KIAA1614: variants seen among roughly 807,000 people sequenced by gnomAD.
KIAA1614 encodes the protein uncharacterized protein KIAA1614.
KIAA1614 carries 76 observed loss-of-function variants against 88.7 expected under a neutral mutation model. That is an observed-to-expected ratio of 0.86 (90% CI 0.71 to 1.04). KIAA1614 has a LOEUF of 1.04. Ranked by LOEUF, KIAA1614 falls within the 50% of genes least tolerant of loss-of-function variation. The pLI is 0.00. For missense variants in KIAA1614, 1,553 were observed against 1,582.5 expected, an observed-to-expected ratio of 0.98 and a Z score of 0.32; for synonymous variants, 714 against 675.5, an observed-to-expected ratio of 1.06 and a Z score of -0.88.
Position 180,938,606 on chromosome 1 carries a change from CG to C in KIAA1614, c.2816del (p.Gly939AlafsTer62), listed in dbSNP as rs2102272738. ...GCAGATGTTGCCACCATCAACTCCA[CG>C]GGCATCACCCTCTCCCTGTCCTCAG... is the stretch of plus-strand genomic sequence containing the variant. ...GSADVATINSTGITLSLSSEE... is the reference protein window; with the variant it reads ...GSADVATINSXGITLSLSSEE... On this transcript the variant is annotated frameshift_variant, in exon 6 of 9. Transcript: ENST00000367588. LOFTEE classifies it high-confidence loss of function. 1.2e-6 allele frequency: 2 copies of C among 1,614,096 alleles called. No homozygotes were observed. Among genetic ancestry groups the C allele is most frequent in the East Asian group, 4.5e-5 (2 of 44,880 alleles).
rs1327198383 is a variant in KIAA1614, at chr1:180,949,757, T to C, written c.*4169T>C. ...TTGCTCAGATGCTTCCCCATCCCAA[T>C]TGAGGAGCCATATCTGAGTAAGACT... is the stretch of plus-strand genomic sequence containing the variant. On this transcript the variant is annotated 3_prime_UTR_variant, in exon 9 of 9. Coordinates refer to ENST00000367588, the MANE Select transcript of KIAA1614 (RefSeq NM_020950.2). 6.6e-6 allele frequency: 1 copy of C among 152,170 alleles called. No homozygotes were observed. The highest frequency in any genetic ancestry group is 2.4e-5 in the African/African-American group (1 of 41,440). The allele number at this position is 152,170 out of a possible 1,614,324, so 9.4% of individuals were successfully genotyped here.
At chr1:180,936,815 G>C in intron 5 of KIAA1614, 145 bp downstream of exon 5, 2 of 594,550 alleles carry the variant, frequency 3.4e-6, no homozygotes, top group Non-Finnish European at 5.6e-6. Flanking sequence ...TACCACCTCG[G>C]CAGCTCCTTG....
rs938163834 is a variant in KIAA1614, at chr1:180,948,309, G to C, written c.*2721G>C. 1 of 151,798 alleles carries C rather than the reference G, an allele frequency of 6.6e-6. No homozygotes were observed. Among genetic ancestry groups the C allele is most frequent in the Non-Finnish European group, 1.5e-5 (1 of 67,884 alleles). The allele number at this position is 151,798 out of a possible 1,614,324, so 9.4% of individuals were successfully genotyped here. On this transcript the variant is annotated 3_prime_UTR_variant, in exon 9 of 9. Coordinates refer to ENST00000367588, the MANE Select transcript of KIAA1614 (RefSeq NM_020950.2). ...CCCGCACTGAACCGGCAGGATGCTG[G>C]TATTAACTTGCTGGCTTTCACATCC...
At position 180,913,297 on chromosome 1, in the gene KIAA1614, A is replaced by G; in HGVS notation, c.50+4A>G. 4.0e-6 allele frequency: 5 copies of G among 1,247,054 alleles called. No individual in the cohort carries two copies. Among genetic ancestry groups the G allele is most frequent in the Non-Finnish European group, 5.1e-6 (5 of 988,566 alleles). The allele number at this position is 1,247,054 out of a possible 1,614,324, so 77.2% of individuals were successfully genotyped here. On this transcript the variant is annotated splice_donor_region_variant and intron_variant, in intron 1 of 8. Coordinates refer to ENST00000367588, the MANE Select transcript of KIAA1614 (RefSeq NM_020950.2). Reference sequence around the variant, plus strand: ...AACCCGCGGGCGGCAGCCCCCAGTGAGTATAGAGGAGGCAGCGCCGGGCCG... The same window carrying G: ...AACCCGCGGGCGGCAGCCCCCAGTGGGTATAGAGGAGGCAGCGCCGGGCCG...
intron 4 of KIAA1614, among the ~76,000 whole-genome samples, chr1:180,934,695 A>G (rs747547651): frequency 6.6e-6 from 1 of 152,210 alleles, no homozygotes; most frequent in East Asian, 1.9e-4. Flanking sequence ...CAGCAAATAC[A>G]TATTTCCACA....
At position 180,941,209 on chromosome 1, in the gene KIAA1614, G is replaced by A. The variant is rs1654454842; in HGVS notation, c.3083G>A (p.Ser1028Asn). ...AAGCTGGGCAAGTCCCGCAGCTACA[G>A]TGTGGAGCAGTTGCAGCCCGCCCCG... Reference protein sequence around the residue: ...RPKLGKSRSYSVEQLQPAPPG... With the variant: ...RPKLGKSRSYNVEQLQPAPPG... Residue 1028 changes from serine (S) to asparagine (N), a missense_variant, in exon 7 of 9, where the codon AGT becomes AAT. Transcript: ENST00000367588. 6.2e-7 allele frequency: 1 copy of A among 1,613,784 alleles called. No individual in the cohort carries two copies. The highest frequency in any genetic ancestry group is 1.3e-5 in the African/African-American group (1 of 74,944).
chr1:180,935,662 G>C lies in KIAA1614; in HGVS notation c.1753G>C (p.Ala585Pro). The C allele has an allele frequency of 6.2e-7, 1 of 1,613,134 alleles. No homozygotes were observed. The stretch of plus-strand genomic sequence containing the variant: ...GAGCTCCCCACTCCGGCTCCTTCCT[G>C]CAGAGCCCCGGCTCCACATGGAATG... ...GLSSPLRLLP[A>P]EPRLHMEWIR... Residue 585 changes from alanine (A) to proline (P), a missense_variant, in exon 5 of 9, where the codon GCA becomes CCA. Ala to Pro is a conservative substitution (Grantham distance 27). Coordinates refer to ENST00000367588, the MANE Select transcript of KIAA1614 (RefSeq NM_020950.2). The surrounding 1 kb of genome is among the most constrained non-coding windows in gnomAD (Gnocchi z 6.1).
rs751459506 is a variant in KIAA1614 at position 180,936,458 on chromosome 1, C to T, written c.2549C>T (p.Ala850Val). 7.6e-5 allele frequency: 122 copies of T among 1,613,906 alleles called. No individual in the cohort carries two copies. In the South Asian group the frequency reaches 8.6e-4, roughly 11 times the overall value. ...VGIPRPPSRSAVLRTCELPPS... is the reference protein window; with the variant it reads ...VGIPRPPSRSVVLRTCELPPS... ...ATCCCTCGGCCTCCTTCAAGAAGCG[C>T]GGTTCTCAGGACCTGTGAGCTGCCC... The change falls in exon 5 of 9, where the codon GCG becomes GTG. Residue 850 changes from alanine to valine, a missense_variant. Ala to Val is a moderately conservative substitution (Grantham distance 64). Transcript: ENST00000367588.
At position 180,933,683 on chromosome 1, in the gene KIAA1614, C is replaced by G. The variant is rs74133672; in HGVS notation, c.1206-1432C>G. On this transcript the variant is annotated intron_variant, in intron 4 of 8. Transcript: ENST00000367588. ...CCTGGTGTGAGATGTGTACAGGTGT[C>G]TTCCGGAACTGAGCAGGACTTGACT... Among the ~76,000 whole-genome samples the G allele has an allele frequency of 9.1e-3, 1,380 of 152,304 alleles. 21 individuals carry two copies. The highest frequency in any genetic ancestry group is 0.031 in the African/African-American group (1,296 of 41,558).
At chr1:180,940,945 G>A in intron 6 of KIAA1614, 100 bp from the exon 7 acceptor site, 6 of 1,042,384 alleles carry the variant, frequency 5.8e-6, no homozygotes, top group Non-Finnish European at 8.3e-6. Flanking sequence ...AGGCATTGGT[G>A]CTGGCCCATC....
chr1:180,936,365 C>T lies in KIAA1614; in HGVS notation c.2456C>T (p.Pro819Leu), dbSNP rs1383199435. The part of the protein sequence containing the change: ...TPPPSRKTTS[P>L]VSHRKAALAG... Reference sequence around the variant, plus strand: ...CCCCCTTCGAGGAAAACCACCTCGCCAGTGTCTCACAGGAAGGCAGCCCTG... The same window carrying T: ...CCCCCTTCGAGGAAAACCACCTCGCTAGTGTCTCACAGGAAGGCAGCCCTG... The change falls in exon 5 of 9, where the codon CCA becomes CTA. Residue 819 changes from proline (P) to leucine (L), a missense_variant. By Grantham distance (98) the Pro-to-Leu change is moderately conservative (BLOSUM62 -3). Coordinates refer to ENST00000367588, the MANE Select transcript of KIAA1614 (RefSeq NM_020950.2). 2.5e-6 allele frequency: 4 copies of T among 1,614,122 alleles called. No individual in the cohort carries two copies. The highest frequency in any genetic ancestry group is 3.4e-6 in the Non-Finnish European group (4 of 1,180,046).
intron 3 of KIAA1614, among the ~76,000 whole-genome samples, chr1:180,927,645 C>T (rs1240398271): frequency 6.6e-6 from 1 of 152,096 alleles, no homozygotes; most frequent in Non-Finnish European, 1.5e-5. Flanking sequence ...ATGTCACTGG[C>T]TGAGAGACAG....
At chr1:180,927,187 G>A (rs1654087268) in intron 3 of KIAA1614, among the ~76,000 whole-genome samples, 1 of 152,144 alleles carries the variant, frequency 6.6e-6, no homozygotes, top group Non-Finnish European at 1.5e-5. Context: ...CCTTCCCCCA[G>A]TCAGGACCAT....
intron 7 of KIAA1614, among the ~76,000 whole-genome samples, chr1:180,943,028 G>GTTTTTTTTTTTTTTTTTTTT (rs765988727): frequency 2.0e-4 from 3 of 14,960 alleles, no homozygotes; most frequent in Admixed American, 1.2e-3. Flanking sequence ...AGTTTTTTGG[G>GTTTTTTTTTTTTTTTTTTTT]TTTTTTTTTT....
In KIAA1614 at chr1:180,938,817, C is replaced by G. The variant is rs1167308401; in HGVS notation, c.2918+106C>G. The G allele has an allele frequency of 7.7e-6, 8 of 1,036,580 alleles. No homozygotes were observed. The East Asian group carries it at 1.3e-4, about 17-fold the overall frequency. 64.2% of individuals were successfully genotyped at this position (1,036,580 alleles called of 1,614,324 possible). ...GGTGGCATGACCCACCTCCCTGCCC[C>G]TAGTCTTCAGAGGATCCCTAGACTG... On this transcript the variant is annotated intron_variant, in intron 6 of 8. Transcript: ENST00000367588.
At chr1:180,945,210 G>A in intron 8 of KIAA1614, 93 bp from the exon 9 acceptor site, 2 of 1,392,844 alleles carry the variant, frequency 1.4e-6, no homozygotes, top group Non-Finnish European at 1.9e-6. Context: ...AGGCTCTTAA[G>A]TCTGTGAGGC....
chr1:180,935,817 G>C lies in KIAA1614; in HGVS notation c.1908G>C (p.Ala636=). The C allele has an allele frequency of 6.2e-7, 1 of 1,613,702 alleles. No individual in the cohort carries two copies. ...CGGGGACCTCTCAGGCTGGCTGGGC[G>C]TGTGGGCGGACCCAAGGCAGCAGCC... ...EEAGTSQAGW[A]CGRTQGSSPR... Residue 636 remains alanine, a synonymous_variant, in exon 5 of 9, where the codon GCG becomes GCC. Transcript: ENST00000367588. This position sits in a 1 kb window ranked among gnomAD's most constrained non-coding sequence, Gnocchi z 6.1.
intron 4 of KIAA1614, 100 bp downstream of exon 4, chr1:180,928,673 T>C: frequency 8.1e-7 from 1 of 1,230,392 alleles, no homozygotes; most frequent in South Asian, 1.5e-5. Flanking sequence ...TGCTGCTCGC[T>C]CCATGTGTGT....
Position 180,935,838 on chromosome 1 carries a change from C to T in KIAA1614, c.1929C>T (p.Ser643=), listed in dbSNP as rs1270573907. 2 of 1,613,528 alleles carry T rather than the reference C, an allele frequency of 1.2e-6. No homozygotes were observed. Among genetic ancestry groups the T allele is most frequent in the Non-Finnish European group, 8.5e-7 (1 of 1,179,868 alleles). ...GGGCGTGTGGGCGGACCCAAGGCAG[C>T]AGCCCGCGACTGCGACTGCGGGGCT... The part of the protein sequence containing the change: ...AGWACGRTQG[S]SPRLRLRGSR... The change falls in exon 5 of 9, where the codon AGC becomes AGT. Residue 643 remains serine (S), a synonymous_variant. Coordinates refer to ENST00000367588, the MANE Select transcript of KIAA1614 (RefSeq NM_020950.2). The surrounding 1 kb of genome is among the most constrained non-coding windows in gnomAD (Gnocchi z 6.1).
Sources: gnomAD v4.1 joint callset for allele counts (sites outside exome capture counted in the v4.1 genomes callset) on GRCh38, gnomAD v4.1.1 for gene constraint, Gnocchi (gnomAD v3.1) non-coding constraint, MANE v1.5 for transcripts, NCBI Gene and HGNC (gene_info 2026-07-23, HGNC 2026-07-21) for gene names.